The following SRGAP3 variants were observed in gnomAD, a reference collection of about 807,000 sequenced individuals.
SRGAP3 encodes the protein SLIT-ROBO Rho GTPase-activating protein 3.
SRGAP3 carries 39 observed loss-of-function variants against 121.1 expected under a neutral mutation model. That is an observed-to-expected ratio of 0.32 (90% CI 0.25 to 0.42). The LOEUF (loss-of-function observed/expected upper bound fraction) is 0.42, where lower values mean the gene tolerates loss of function less well. SRGAP3 is among the 10% of genes least tolerant of loss of function. The probability of loss-of-function intolerance (pLI) is 1.00; values close to 1 mark genes in which losing one functional copy is unlikely to be tolerated. For missense variants in SRGAP3, 1,213 were observed against 1,470.6 expected (o/e 0.82, Z 2.86); for synonymous variants, 601 against 570.0 (o/e 1.05, Z -0.77).
At position 8,984,390 on chromosome 3, in the gene SRGAP3, G is replaced by C. The variant is rs1941571267; in HGVS notation, c.*1129C>G. On this transcript the variant is annotated 3_prime_UTR_variant, in exon 22 of 22. Transcript: ENST00000383836. The stretch of plus-strand genomic sequence containing the variant: ...AAACGATGTGACTCAAAGCCTCCTT[G>C]CCTGTTTAGTTCCAAATCTGACACA... 4.3e-6 allele frequency: 1 copy of C among 230,980 alleles called. No individual in the cohort carries two copies. Among genetic ancestry groups the C allele is most frequent in the African/African-American group, 2.2e-5 (1 of 45,214 alleles). The allele number at this position is 230,980 out of a possible 1,614,324, so 14.3% of individuals were successfully genotyped here.
chr3:9,310,412 G>C (rs778171569), intron 3 of SRGAP3, among the ~76,000 whole-genome samples: 3 of 152,134 alleles, frequency 2.0e-5, no homozygotes, highest in African/African-American at 7.2e-5. Context: ...AGCTGCAGAG[G>C]TGGATCTTGG....
chr3:9,111,997 G>A (rs1948640969), intron 2 of SRGAP3, among the ~76,000 whole-genome samples: 1 of 152,208 alleles, frequency 6.6e-6, no homozygotes, highest in Non-Finnish European at 1.5e-5. Context: ...TCTTTGGCTA[G>A]GGGATCTGGA....
chr3:9,071,379 C>A (rs1261776487), intron 4 of SRGAP3, among the ~76,000 whole-genome samples: 1 of 152,098 alleles, frequency 6.6e-6, no homozygotes, highest in Non-Finnish European at 1.5e-5. Flanking sequence ...GGCATGAGAC[C>A]CTGGCCTGGC....
At chr3:9,132,350 G>C (rs551726538) in intron 1 of SRGAP3, among the ~76,000 whole-genome samples, 1 of 152,134 alleles carries the variant, frequency 6.6e-6, no homozygotes, top group African/African-American at 2.4e-5. Flanking sequence ...CACCATTACA[G>C]TATCATACAG....
chr3:9,255,540 T>TGGCCCCTGCTGG (rs1954112730), intron 3 of SRGAP3, among the ~76,000 whole-genome samples: 2 of 152,202 alleles, frequency 1.3e-5, no homozygotes, highest in South Asian at 4.1e-4. Flanking sequence ...AATGGTCAGC[T>TGGCCCCTGCTGG]GGCCCCTGCT....
At chr3:8,993,171 G>A in intron 19 of SRGAP3, 116 bp from the exon 20 acceptor site, 1 of 1,519,830 alleles carries the variant, frequency 6.6e-7, no homozygotes, top group Non-Finnish European at 8.9e-7. Context: ...GTTACTTTGT[G>A]CCCACAGCGC....
In SRGAP3 at chr3:9,333,766, G is replaced by A. The variant is rs1013427498; in HGVS notation, n.215-3170C>T. Among the ~76,000 whole-genome samples, 4 of 152,042 alleles carry A rather than the reference G, an allele frequency of 2.6e-5. No homozygotes were observed. The East Asian group carries it at 7.7e-4, about 29-fold the overall frequency. On this transcript the variant is annotated intron_variant and non_coding_transcript_variant, in intron 1 of 3. Transcript: ENST00000490889. ...TACAATTTGGTAGACTTAATCATAG[G>A]CAATTTTTAAACATTTCCCTAGAGT...
chr3:9,074,112 G>C (rs925760583), intron 4 of SRGAP3, among the ~76,000 whole-genome samples: 3 of 152,154 alleles, frequency 2.0e-5, no homozygotes, highest in African/African-American at 4.8e-5. Flanking sequence ...GCATCACAGA[G>C]AGCAGGCCCG....
At chr3:9,349,208 C>A in intron 1 of SRGAP3, 1 of 673,966 alleles carries the variant, frequency 1.5e-6, no homozygotes. Context: ...AGCGGGCAGG[C>A]TACTGTCCCC....
At position 9,249,068 on chromosome 3, in the gene SRGAP3, A is replaced by G; in HGVS notation, c.-117T>C. 2.0e-6 allele frequency: 2 copies of G among 1,003,172 alleles called. No individual in the cohort carries two copies. Among genetic ancestry groups the G allele is most frequent in the South Asian group, 2.7e-5 (2 of 75,262 alleles). 62.1% of individuals were successfully genotyped at this position (1,003,172 alleles called of 1,614,324 possible). On this transcript the variant is annotated 5_prime_UTR_variant, in exon 1 of 22. Coordinates refer to ENST00000383836, the MANE Select transcript of SRGAP3 (RefSeq NM_014850.4). ...TCTGGTCGATTTCACAGGTTTAGGGACTAATCTCTTTCACTTGGCTGCAGA... is the reference window on the plus strand; with the variant it reads ...TCTGGTCGATTTCACAGGTTTAGGGGCTAATCTCTTTCACTTGGCTGCAGA...
intron 1 of SRGAP3, among the ~76,000 whole-genome samples, chr3:9,361,149 CTGAAGTGCAGTGATG>C (rs113757964): frequency 1.4e-4 from 22 of 152,318 alleles, no homozygotes; most frequent in African/African-American, 5.1e-4. Flanking sequence ...GTCACCTGGG[CTGAAGTGCAGTGATG>C]TGATCATAAC....
At chr3:9,286,020 G>A (rs1321507504) in intron 3 of SRGAP3, among the ~76,000 whole-genome samples, 1 of 151,846 alleles carries the variant, frequency 6.6e-6, no homozygotes, top group Admixed American at 6.6e-5. Flanking sequence ...GCTGAAGTGA[G>A]TAGACTGCCT....
chr3:9,137,534 T>A (rs143217643), intron 1 of SRGAP3, among the ~76,000 whole-genome samples: 1 of 152,012 alleles, frequency 6.6e-6, no homozygotes, highest in African/African-American at 2.4e-5. Context: ...ACCAGGAAAA[T>A]TTTCTTCTAT....
At chr3:9,181,861 T>A (rs1440986133) in intron 1 of SRGAP3, among the ~76,000 whole-genome samples, 2 of 152,172 alleles carry the variant, frequency 1.3e-5, no homozygotes, top group African/African-American at 2.4e-5. Context: ...TAACTCGAAA[T>A]GTGACCTTAA....
chr3:9,115,636 T>G (rs1202382949), intron 2 of SRGAP3, among the ~76,000 whole-genome samples: 1 of 150,726 alleles, frequency 6.6e-6, no homozygotes, highest in African/African-American at 2.4e-5. Flanking sequence ...TCCTTTCCCC[T>G]CATTTAAAAA....
At chr3:9,026,900 G>T (rs761925488) in intron 13 of SRGAP3, 35 bp downstream of exon 13, 1 of 1,610,188 alleles carries the variant, frequency 6.2e-7, no homozygotes, top group Non-Finnish European at 8.5e-7. Flanking sequence ...CTGTTCTGCA[G>T]ATTGCTGAAA....
chr3:9,269,863 G>A (rs538387725), intron 3 of SRGAP3, among the ~76,000 whole-genome samples: 26 of 152,154 alleles, frequency 1.7e-4, no homozygotes, highest in African/African-American at 6.0e-4. Context: ...CAAAAATGTG[G>A]CAAGGAAGGA....
chr3:9,096,986 T>TACAC (rs1948011468), intron 3 of SRGAP3, among the ~76,000 whole-genome samples: 2 of 112,684 alleles, frequency 1.8e-5, no homozygotes, highest in Non-Finnish European at 3.8e-5. Context: ...TATATACACA[T>TACAC]ACACACACAT....
chr3:9,290,780 C>T (rs1329598721), intron 3 of SRGAP3, among the ~76,000 whole-genome samples: 1 of 152,154 alleles, frequency 6.6e-6, no homozygotes, highest in Non-Finnish European at 1.5e-5. Context: ...ACTAAACTCC[C>T]AGAGCCGTGA....
Sources: allele counts gnomAD v4.1 joint callset (sites outside exome capture counted in the v4.1 genomes callset), GRCh38; gene constraint gnomAD v4.1.1; transcripts MANE v1.5; gene names NCBI Gene and HGNC (gene_info 2026-07-23, HGNC 2026-07-21).